The following IFT43 variants were observed in gnomAD, a reference collection of about 807,000 sequenced individuals.
IFT43 encodes intraflagellar transport protein 43 homolog.
A neutral mutation model predicts 32.3 loss-of-function variants in IFT43; 33 were observed. The observed-to-expected ratio is 1.02, with a 90% CI of 0.77 to 1.37. IFT43 has a LOEUF of 1.37. IFT43 is among the 40% of genes most tolerant of loss of function. IFT43 has a pLI of 0.00. For missense variants in IFT43, 274 were observed against 265.9 expected, an observed-to-expected ratio of 1.03 and a Z score of -0.21; for synonymous variants, 93 against 98.2, an observed-to-expected ratio of 0.95 and a Z score of 0.31.
chr14:76,029,607 G>C (rs1183115093), intron 3 of IFT43, among the ~76,000 whole-genome samples: 1 of 152,090 alleles, frequency 6.6e-6, no homozygotes, highest in Non-Finnish European at 1.5e-5. Flanking sequence ...TTACATTTAA[G>C]TCGTTGATCC....
At chr14:76,030,110 ACTC>A (rs2036480933) in intron 3 of IFT43, among the ~76,000 whole-genome samples, 1 of 150,788 alleles carries the variant, frequency 6.6e-6, no homozygotes, top group African/African-American at 2.4e-5. Context: ...CTGGTCTCAA[ACTC>A]CTGGCAATCG....
chr14:76,051,312 A>C (rs1023650795), intron 3 of IFT43, among the ~76,000 whole-genome samples: 2 of 150,566 alleles, frequency 1.3e-5, no homozygotes, highest in African/African-American at 2.5e-5. Flanking sequence ...GATTTAAATG[A>C]GGAGAAATCT....
rs2140102501 is a variant in IFT43, at chr14:76,083,639, A to T, written c.*62A>T. Reference sequence around the variant, plus strand: ...TGAGCTTAAAGCTAAAGAAGCTTGTAAGCAGCTCCGAATTTTTACCTGGAA... The same window carrying T: ...TGAGCTTAAAGCTAAAGAAGCTTGTTAGCAGCTCCGAATTTTTACCTGGAA... On this transcript the variant is annotated 3_prime_UTR_variant, in exon 9 of 9. Coordinates refer to ENST00000314067, the MANE Select transcript of IFT43 (RefSeq NM_001102564.3). 6.5e-7 allele frequency: 1 copy of T among 1,534,810 alleles called. No individual in the cohort carries two copies.
rs772232300 is a variant in IFT43, at chr14:76,083,188, A to G, written c.445-39A>G. ...GAGAAAGAGTTGCCTGAAAGCCCTC[A>G]AGGTGCTCAGCCTGACCTTTTTTTG... On this transcript the variant is annotated intron_variant, in intron 7 of 8. Coordinates refer to ENST00000314067, the MANE Select transcript of IFT43 (RefSeq NM_001102564.3). The G allele has an allele frequency of 2.5e-5, 41 of 1,613,540 alleles. No individual in the cohort carries two copies. The South Asian group carries it at 3.8e-4, about 15-fold the overall frequency.
At chr14:76,083,092 C>G (rs1018491460) in intron 7 of IFT43, 135 bp from the exon 8 acceptor site, 2 of 875,910 alleles carry the variant, frequency 2.3e-6, no homozygotes, top group South Asian at 1.4e-5. Context: ...TGATTTTACT[C>G]TCTTGTGAAG....
chr14:76,049,024 A>G (rs1414770881), intron 3 of IFT43, among the ~76,000 whole-genome samples: 1 of 152,226 alleles, frequency 6.6e-6, no homozygotes, highest in Non-Finnish European at 1.5e-5. Context: ...AGTTACTAGA[A>G]GGAAATCTTT....
chr14:76,050,844 C>T (rs186377583), intron 3 of IFT43, among the ~76,000 whole-genome samples: 1 of 152,174 alleles, frequency 6.6e-6, no homozygotes, highest in Non-Finnish European at 1.5e-5. Flanking sequence ...GAGTTCTAAA[C>T]TCTGCTGCCT....
chr14:75,997,225 A>G (rs545053936), intron 2 of IFT43, among the ~76,000 whole-genome samples: 1 of 152,354 alleles, frequency 6.6e-6, no homozygotes, highest in South Asian at 2.1e-4. Flanking sequence ...GCAGTTGACC[A>G]TACAGGTGAT....
intron 1 of IFT43, among the ~76,000 whole-genome samples, chr14:75,987,803 T>C (rs2035558495): frequency 6.6e-6 from 1 of 152,184 alleles, no homozygotes; most frequent in Non-Finnish European, 1.5e-5. Flanking sequence ...AATGATTCAT[T>C]TGATGGCCAA....
chr14:75,999,435 A>G (rs1018491781), intron 2 of IFT43, among the ~76,000 whole-genome samples: 20 of 150,466 alleles, frequency 1.3e-4, no homozygotes, highest in Non-Finnish European at 2.8e-4. Flanking sequence ...GCACATTTAT[A>G]TATATTTTTA....
chr14:76,043,874 G>T (rs898705269), intron 3 of IFT43, among the ~76,000 whole-genome samples: 8 of 152,286 alleles, frequency 5.3e-5, no homozygotes, highest in African/African-American at 1.9e-4. Context: ...TCCAGTGCCA[G>T]TTGCAAGCCC....
intron 5 of IFT43, among the ~76,000 whole-genome samples, chr14:76,068,633 A>G (rs1192376794): frequency 6.6e-6 from 1 of 152,166 alleles, no homozygotes; most frequent in Admixed American, 6.5e-5. Flanking sequence ...CAGTGGCATA[A>G]TCATCCATTC....
intron 3 of IFT43, among the ~76,000 whole-genome samples, chr14:76,048,842 A>C (rs559042102): frequency 6.6e-6 from 1 of 152,326 alleles, no homozygotes; most frequent in East Asian, 1.9e-4. Flanking sequence ...TGAGCCTCCC[A>C]GGAGGCTGCC....
At chr14:76,008,722 G>T (rs1309064829) in intron 2 of IFT43, among the ~76,000 whole-genome samples, 3 of 152,098 alleles carry the variant, frequency 2.0e-5, no homozygotes, top group Non-Finnish European at 4.4e-5. Flanking sequence ...CTCCACTGTT[G>T]ATATGTGGAA....
chr14:76,015,375 T>C (rs900939134), intron 2 of IFT43, among the ~76,000 whole-genome samples: 1 of 152,170 alleles, frequency 6.6e-6, no homozygotes, highest in Non-Finnish European at 1.5e-5. Flanking sequence ...TTCAGTGCTC[T>C]CTCCTGAGGT....
At chr14:76,065,787 A>G (rs1723611635) in intron 5 of IFT43, among the ~76,000 whole-genome samples, 1 of 152,156 alleles carries the variant, frequency 6.6e-6, no homozygotes, top group Admixed American at 6.5e-5. Context: ...TTAATTTATT[A>G]TTTATTTTAA....
intron 5 of IFT43, among the ~76,000 whole-genome samples, chr14:76,075,194 T>C (rs1465058378): frequency 6.6e-6 from 1 of 152,200 alleles, no homozygotes; most frequent in African/African-American, 2.4e-5. Context: ...TCCACACCTT[T>C]TGCAGCATGG....
At chr14:76,014,831 G>A (rs893214055) in intron 2 of IFT43, among the ~76,000 whole-genome samples, 1 of 152,120 alleles carries the variant, frequency 6.6e-6, no homozygotes, top group Non-Finnish European at 1.5e-5. Flanking sequence ...ATGGCTGAGG[G>A]ATTCTTCAGC....
intron 2 of IFT43, among the ~76,000 whole-genome samples, chr14:76,018,509 G>A (rs2036231611): frequency 6.6e-6 from 1 of 152,148 alleles, no homozygotes; most frequent in Non-Finnish European, 1.5e-5. Context: ...CTGATGAGAA[G>A]AATGTGTGTT....
Sources: gnomAD v4.1 joint callset for allele counts (sites outside exome capture counted in the v4.1 genomes callset) on GRCh38, gnomAD v4.1.1 for gene constraint, MANE v1.5 for transcripts, NCBI Gene and HGNC (gene_info 2026-07-23, HGNC 2026-07-21) for gene names.